WWOX: variants seen among roughly 807,000 people sequenced by gnomAD.
The protein encoded by WWOX is WW domain containing oxidoreductase.
Under a neutral mutation model 46.2 loss-of-function variants are expected in WWOX, and 69 were observed. The observed-to-expected ratio is 1.49, with a 90% CI of 1.23 to 1.82. The LOEUF is 1.82. WWOX is among the 40% of genes most tolerant of loss of function. The pLI, the probability that WWOX is intolerant of heterozygous loss-of-function variation, is 0.00. For synonymous variants in WWOX, 359 were observed against 202.6 expected (o/e 1.77, Z -6.56); for missense variants, 919 against 542.6 (o/e 1.69, Z -6.89).
chr16:78,187,008 CTGTGTGTGTG>C (rs943658042), intron 5 of WWOX, among the ~76,000 whole-genome samples: 1 of 152,080 alleles, frequency 6.6e-6, no homozygotes, highest in Non-Finnish European at 1.5e-5. Context: ...GCGGCTCTCT[CTGTGTGTGTG>C]TAGTTCTATG....
intron 5 of WWOX, among the ~76,000 whole-genome samples, chr16:78,302,612 A>G (rs1675929024): frequency 1.3e-5 from 2 of 152,222 alleles, no homozygotes; most frequent in Non-Finnish European, 2.9e-5. Flanking sequence ...AGACTTGAAA[A>G]TTGGAAGAGG....
chr16:78,914,438 T>C (rs181558727), intron 8 of WWOX, among the ~76,000 whole-genome samples: 1 of 152,170 alleles, frequency 6.6e-6, no homozygotes, highest in East Asian at 1.9e-4. Flanking sequence ...TTGAACGCTG[T>C]ACTTTGAAAC....
At chr16:78,912,162 C>A (rs1280159623) in intron 8 of WWOX, among the ~76,000 whole-genome samples, 1 of 151,994 alleles carries the variant, frequency 6.6e-6, no homozygotes, top group African/African-American at 2.4e-5. Context: ...TTACAGGTTG[C>A]TGCTTTATGG....
chr16:79,163,816 AAG>A (rs1289723530), intron 8 of WWOX, among the ~76,000 whole-genome samples: 8 of 124,512 alleles, frequency 6.4e-5, no homozygotes, highest in African/African-American at 2.2e-4. Context: ...AAAAAAAAAA[AAG>A]AGAGAGAGAA....
intron 8 of WWOX, among the ~76,000 whole-genome samples, chr16:79,043,497 G>A (rs1229797345): frequency 1.3e-5 from 2 of 152,178 alleles, no homozygotes; most frequent in African/African-American, 2.4e-5. Flanking sequence ...TAAGTGGGAA[G>A]TCCAGGGGTA....
chr16:78,211,656 ACT>A (rs2036563887), intron 5 of WWOX, among the ~76,000 whole-genome samples: 2 of 152,156 alleles, frequency 1.3e-5, no homozygotes, highest in Non-Finnish European at 2.9e-5. Context: ...CAGTGTGCTA[ACT>A]CTGTTACCAA....
intron 8 of WWOX, among the ~76,000 whole-genome samples, chr16:78,741,960 A>G (rs2049238442): frequency 6.6e-6 from 1 of 152,176 alleles, no homozygotes; most frequent in Admixed American, 6.5e-5. Context: ...ATTTAACTGG[A>G]CATTATCTCT....
intron 8 of WWOX, among the ~76,000 whole-genome samples, chr16:79,192,861 A>G (rs2051164387): frequency 6.6e-6 from 1 of 152,140 alleles, no homozygotes; most frequent in African/African-American, 2.4e-5. Context: ...AGCCTCTCTG[A>G]GCTCTAATTT....
chr16:78,505,226 C>G (rs1015445478), intron 8 of WWOX, among the ~76,000 whole-genome samples: 6 of 152,288 alleles, frequency 3.9e-5, no homozygotes, highest in Non-Finnish European at 8.8e-5. Flanking sequence ...TCGTCAGCCT[C>G]TAGAATGCCT....
intron 8 of WWOX, among the ~76,000 whole-genome samples, chr16:78,703,534 C>T (rs990953368): frequency 6.6e-6 from 1 of 151,950 alleles, no homozygotes; most frequent in Non-Finnish European, 1.5e-5. Context: ...CAGGAGGATC[C>T]CTTGAGTCCA....
chr16:78,970,272 C>T (rs1236183874), intron 8 of WWOX, among the ~76,000 whole-genome samples: 1 of 152,178 alleles, frequency 6.6e-6, no homozygotes, highest in Non-Finnish European at 1.5e-5. Context: ...TTATCCCTGC[C>T]CGAATCATTT....
chr16:78,288,792 C>G (rs2079812258), intron 5 of WWOX, among the ~76,000 whole-genome samples: 1 of 152,136 alleles, frequency 6.6e-6, no homozygotes, highest in Non-Finnish European at 1.5e-5. Context: ...CGCATCATTG[C>G]TCAGATAGAG....
chr16:78,144,860 T>C (rs569979529), intron 4 of WWOX, among the ~76,000 whole-genome samples: 2 of 152,212 alleles, frequency 1.3e-5, no homozygotes, highest in African/African-American at 2.4e-5. Context: ...CTTTTAATAA[T>C]TAAAATTTGA....
intron 4 of WWOX, among the ~76,000 whole-genome samples, chr16:78,163,488 C>G (rs942415846): frequency 2.8e-4 from 42 of 152,174 alleles, no homozygotes; most frequent in African/African-American, 1.0e-3. Context: ...CTCAGCCCAT[C>G]TTCTCAGGCT....
At chr16:79,147,899 T>C (rs1033434969) in intron 8 of WWOX, among the ~76,000 whole-genome samples, 1 of 151,578 alleles carries the variant, frequency 6.6e-6, no homozygotes, top group Admixed American at 6.6e-5. Flanking sequence ...TCTATTAATG[T>C]TTTTTTCTCA....
rs145036455 is a variant in WWOX at position 78,294,890 on chromosome 16, T to C, written c.517-91970T>C. ...ATGAATGAATGAATGGACAAATGAATGAATGTATGAGTGGGTCAAGAACAA... is the reference window on the plus strand; with the variant it reads ...ATGAATGAATGAATGGACAAATGAACGAATGTATGAGTGGGTCAAGAACAA... On this transcript the variant is annotated intron_variant, in intron 5 of 8. Transcript: ENST00000566780. 2.2e-3 allele frequency among the ~76,000 whole-genome samples: 330 copies of C among 151,466 alleles called. 3 individuals carry two copies. The highest frequency in any genetic ancestry group is 7.6e-3 in the African/African-American group (315 of 41,400).
intron 8 of WWOX, among the ~76,000 whole-genome samples, chr16:78,806,361 C>T (rs866491434): frequency 8.5e-5 from 13 of 152,134 alleles, no homozygotes; most frequent in East Asian, 7.7e-4. Context: ...TAACAAACCA[C>T]CCCCAAATTT....
At chr16:78,820,940 T>C (rs554945841) in intron 8 of WWOX, among the ~76,000 whole-genome samples, 1 of 152,340 alleles carries the variant, frequency 6.6e-6, no homozygotes, top group South Asian at 2.1e-4. Context: ...CCTCTGGCTT[T>C]GTGTCCTTTC....
intron 8 of WWOX, among the ~76,000 whole-genome samples, chr16:78,602,796 C>T (rs1243116054): frequency 1.3e-5 from 2 of 152,184 alleles, no homozygotes; most frequent in Non-Finnish European, 2.9e-5. Context: ...CCATTTAAGT[C>T]TGCTAAGAGT....
Sources: gnomAD v4.1 joint callset for allele counts (sites outside exome capture counted in the v4.1 genomes callset) on GRCh38, gnomAD v4.1.1 for gene constraint, MANE v1.5 for transcripts, NCBI Gene and HGNC (gene_info 2026-07-23, HGNC 2026-07-21) for gene names.